Variants in DMBX1 observed in about 807,000 individuals in gnomAD.
DMBX1 encodes the protein diencephalon/mesencephalon homeobox protein 1.
DMBX1 carries 7 observed loss-of-function variants against 30.4 expected under a neutral mutation model. The ratio of observed to expected loss-of-function variants is 0.23; its 90% CI spans 0.13 to 0.43. DMBX1 has a LOEUF of 0.43. Among genes scored for constraint, DMBX1 ranks in the 20% least tolerant of loss-of-function variants. DMBX1 has a pLI of 1.00. For missense variants in DMBX1, 460 were observed against 508.5 expected (o/e 0.90, Z 0.92); for synonymous variants, 222 against 214.2 (o/e 1.04, Z -0.32).
intron 2 of DMBX1, among the ~76,000 whole-genome samples, chr1:46,500,551 C>T (rs1444148713): frequency 1.3e-5 from 2 of 151,446 alleles, no homozygotes; most frequent in African/African-American, 4.9e-5. Flanking sequence ...AGCCCCTACC[C>T]CCCTCCCCCA....
At position 46,507,022 on chromosome 1, in the gene DMBX1, C is replaced by T. The variant is rs12567122; in HGVS notation, c.12C>T (p.Tyr4=). The part of the protein sequence containing the change: MQH[Y]GVNGYSLHAM... ...AGGCGGATGCCGCCATGCAGCACTACGGGGTGAACGGCTACTCACTGCACG... is the reference window on the plus strand; with the variant it reads ...AGGCGGATGCCGCCATGCAGCACTATGGGGTGAACGGCTACTCACTGCACG... The change falls in exon 3 of 6, where the codon TAC becomes TAT. Residue 4 remains tyrosine, a synonymous_variant. Transcript: ENST00000360032. 0.017 allele frequency: 28,041 copies of T among 1,614,188 alleles called. 1,586 individuals are homozygous for T. In the East Asian group the frequency reaches 0.2, roughly 12 times the overall value.
rs894542102 is a variant in DMBX1, at chr1:46,514,004, C to T, written c.*1510C>T. On this transcript the variant is annotated 3_prime_UTR_variant, in exon 6 of 6. Coordinates refer to ENST00000360032, the MANE Select transcript of DMBX1 (RefSeq NM_172225.2). ...TTGGGAGGCCAAGGCAGGCAATCACCTGAGGTCAGGAGTTCAAGACCAGCC... is the reference window on the plus strand; with the variant it reads ...TTGGGAGGCCAAGGCAGGCAATCACTTGAGGTCAGGAGTTCAAGACCAGCC... The T allele has an allele frequency of 1.3e-5, 2 of 152,220 alleles. No individual in the cohort carries two copies. Among genetic ancestry groups the T allele is most frequent in the Admixed American group, 6.5e-5 (1 of 15,270 alleles). The allele number at this position is 152,220 out of a possible 1,614,324, so 9.4% of individuals were successfully genotyped here.
intron 2 of DMBX1, among the ~76,000 whole-genome samples, chr1:46,502,162 A>G (rs1201578786): frequency 6.6e-6 from 1 of 152,164 alleles, no homozygotes. Context: ...CCTCAGCTCC[A>G]GACTTCTATA....
chr1:46,507,436 C>A (rs543564257), intron 3 of DMBX1, among the ~76,000 whole-genome samples: 1 of 152,320 alleles, frequency 6.6e-6, no homozygotes, highest in East Asian at 1.9e-4. Context: ...TTCATTAGCC[C>A]TATCTCACAG....
rs1188543728 is a variant in DMBX1 at position 46,512,354 on chromosome 1, TCTC to T, written c.998_1000del (p.Pro333del). On this transcript the variant is annotated inframe_deletion, in exon 6 of 6. Coordinates refer to ENST00000360032, the MANE Select transcript of DMBX1 (RefSeq NM_172225.2). The surrounding 1 kb of genome is among the most constrained non-coding windows in gnomAD (Gnocchi z 4.8). ...TGCTGCCCACCAGGGTGTGTGGGGG[TCTC>T]CTCTGCTGCCTGCACCCCCAGCAGG... 6.2e-7 allele frequency: 1 copy of T among 1,613,564 alleles called. No homozygotes were observed.
chr1:46,506,962 G>C (rs1666246815), intron 2 of DMBX1, 37 bp from the exon 3 acceptor site: 1 of 1,605,752 alleles, frequency 6.2e-7, no homozygotes, highest in South Asian at 1.1e-5. Context: ...AGTCTGATAG[G>C]CCTGCCTCAT....
At chr1:46,505,752 A>G (rs1666221424) in intron 2 of DMBX1, among the ~76,000 whole-genome samples, 1 of 151,692 alleles carries the variant, frequency 6.6e-6, no homozygotes, top group Non-Finnish European at 1.5e-5. Context: ...AAGTATAATA[A>G]TAATAAAAAA....
At position 46,491,056 on chromosome 1, in the gene DMBX1, C is replaced by G. The variant is rs944295968; in HGVS notation, c.-13+273C>G. ...GATGGACTGTGCAGGGTCCCGGGCA[C>G]CACCGGCTGAACTTTCTGGCGGTCA... On this transcript the variant is annotated intron_variant, in intron 2 of 5. Transcript: ENST00000360032. The surrounding 1 kb of genome is among the most constrained non-coding windows in gnomAD (Gnocchi z 5.5). Among the ~76,000 whole-genome samples the G allele has an allele frequency of 6.6e-6, 1 of 152,234 alleles. No individual in the cohort carries two copies. Among genetic ancestry groups the G allele is most frequent in the South Asian group, 2.1e-4 (1 of 4,832 alleles).
In DMBX1 at chr1:46,515,013, A is replaced by G. The variant is rs1404406680; in HGVS notation, c.*2519A>G. On this transcript the variant is annotated 3_prime_UTR_variant, in exon 6 of 6. Transcript: ENST00000360032. ...GGGCCTGGAATCCAGGCTAAAGACC[A>G]CACCTACATGTGGCAAGCACCAAGA... Among the ~76,000 whole-genome samples the G allele has an allele frequency of 6.6e-6, 1 of 152,114 alleles. No individual in the cohort carries two copies. The highest frequency in any genetic ancestry group is 1.5e-5 in the Non-Finnish European group (1 of 68,016).
At chr1:46,507,219 A>T in intron 3 of DMBX1, 55 bp downstream of exon 3, 1 of 1,592,256 alleles carries the variant, frequency 6.3e-7, no homozygotes, top group Non-Finnish European at 8.6e-7. Context: ...TTGGGGGAGA[A>T]GGCTCTGGAA....
intron 2 of DMBX1, among the ~76,000 whole-genome samples, chr1:46,496,977 C>A (rs1238355464): frequency 6.6e-6 from 1 of 152,182 alleles, no homozygotes; most frequent in Non-Finnish European, 1.5e-5. Flanking sequence ...GGAGAACCTC[C>A]AGAGATAAAG....
intron 3 of DMBX1, among the ~76,000 whole-genome samples, chr1:46,508,483 G>T (rs1158598883): frequency 6.6e-6 from 1 of 152,210 alleles, no homozygotes; most frequent in Non-Finnish European, 1.5e-5. Flanking sequence ...AGAACTCAGT[G>T]GATAAAGGTT....
At chr1:46,492,549 G>A (rs944150950) in intron 2 of DMBX1, among the ~76,000 whole-genome samples, 2 of 152,190 alleles carry the variant, frequency 1.3e-5, no homozygotes, top group Non-Finnish European at 2.9e-5. Flanking sequence ...ATTGGAGCAA[G>A]GGGACATTGT....
In DMBX1 at chr1:46,511,236, G is replaced by A; in HGVS notation, c.635G>A (p.Gly212Glu). 2 of 1,610,788 alleles carry A rather than the reference G, an allele frequency of 1.2e-6. No homozygotes were observed. The highest frequency in any genetic ancestry group is 1.7e-6 in the Non-Finnish European group (2 of 1,179,050). The change falls in exon 5 of 6, where the codon GGG (glycine) becomes GAG (glutamate). Residue 212 changes from glycine (G) to glutamate (E), a missense_variant. Gly to Glu is a moderately conservative substitution (Grantham distance 98, BLOSUM62 -2). This residue lies in a region of DMBX1 where 334 missense variants were observed against 345.1 expected (regional missense o/e 0.97). Transcript: ENST00000360032. ...AEDPKAEKSP[G>E]ADSKGLGCKR... ...GACCCCAAAGCTGAGAAGAGCCCTG[G>A]GGCTGACAGCAAGGGGCTGGGCTGC...
At chr1:46,509,143 G>A (rs942622576) in intron 3 of DMBX1, among the ~76,000 whole-genome samples, 1 of 151,974 alleles carries the variant, frequency 6.6e-6, no homozygotes, top group Non-Finnish European at 1.5e-5. Context: ...TGCCATCTTG[G>A]CTCACTGCAA....
intron 2 of DMBX1, among the ~76,000 whole-genome samples, chr1:46,500,802 C>T (rs993762374): frequency 2.0e-5 from 3 of 152,118 alleles, no homozygotes; most frequent in Admixed American, 6.5e-5. Context: ...TTTTAAATTG[C>T]GGTGCTGTAG....
chr1:46,509,455 A>G (rs12129331), intron 3 of DMBX1, among the ~76,000 whole-genome samples: 500 of 152,106 alleles, frequency 3.3e-3, no homozygotes, highest in Non-Finnish European at 4.5e-3. Context: ...GGCTGAGATG[A>G]CTCAAGTTCC....
At chr1:46,494,344 C>G (rs1189294285) in intron 2 of DMBX1, among the ~76,000 whole-genome samples, 1 of 152,212 alleles carries the variant, frequency 6.6e-6, no homozygotes, top group Non-Finnish European at 1.5e-5. Context: ...CGCCTGATTT[C>G]TCTGCACCCC....
At chr1:46,492,061 A>G (rs751896395) in intron 2 of DMBX1, among the ~76,000 whole-genome samples, 16 of 151,978 alleles carry the variant, frequency 1.1e-4, no homozygotes, top group Non-Finnish European at 2.1e-4. Flanking sequence ...GGGGGCGCCT[A>G]CTCCTGCAAG....
Sources: gnomAD v4.1 joint callset for allele counts (sites outside exome capture counted in the v4.1 genomes callset) on GRCh38, gnomAD v4.1.1 for gene constraint, gnomAD v4.1.1 regional missense constraint, Gnocchi (gnomAD v3.1) non-coding constraint, MANE v1.5 for transcripts, NCBI Gene and HGNC (gene_info 2026-07-23, HGNC 2026-07-21) for gene names.